Variants in FMNL2 observed in about 807,000 individuals in gnomAD.
FMNL2 encodes the protein formin-like protein 2.
Under a neutral mutation model 130.2 loss-of-function variants are expected in FMNL2, and 51 were observed. The observed-to-expected ratio is 0.39, with a 90% CI of 0.31 to 0.49. FMNL2 has a LOEUF of 0.49. Ranked by LOEUF, FMNL2 falls within the 20% of genes least tolerant of loss-of-function variation. FMNL2 has a pLI of 0.85. For missense variants in FMNL2, 977 were observed against 1,316.2 expected (o/e 0.74, Z 3.99); for synonymous variants, 465 against 467.1 (o/e 1.00, Z 0.06).
intron 3 of FMNL2, among the ~76,000 whole-genome samples, chr2:152,545,557 C>T (rs141104633): frequency 5.3e-4 from 81 of 152,218 alleles, no homozygotes; most frequent in Middle Eastern, 3.4e-3. Flanking sequence ...TTATTTAATA[C>T]CAGGAAGTGA....
chr2:152,521,063 T>C (rs1693060246), intron 1 of FMNL2, among the ~76,000 whole-genome samples: 1 of 152,222 alleles, frequency 6.6e-6, no homozygotes, highest in African/African-American at 2.4e-5. Context: ...CTCAGTTGTT[T>C]AGCACATGAG....
chr2:152,506,582 A>G (rs1202491573), intron 1 of FMNL2, among the ~76,000 whole-genome samples: 1 of 152,184 alleles, frequency 6.6e-6, no homozygotes, highest in East Asian at 1.9e-4. Flanking sequence ...TGTGGAACCC[A>G]TGGACACGGA....
At chr2:152,599,855 A>G (rs1365084861) in intron 9 of FMNL2, among the ~76,000 whole-genome samples, 1 of 152,232 alleles carries the variant, frequency 6.6e-6, no homozygotes, top group Non-Finnish European at 1.5e-5. Flanking sequence ...CTGGATGAAC[A>G]TATTCACAGT....
At chr2:152,415,385 C>A (rs926513662) in intron 1 of FMNL2, among the ~76,000 whole-genome samples, 1 of 152,206 alleles carries the variant, frequency 6.6e-6, no homozygotes, top group African/African-American at 2.4e-5. Flanking sequence ...TCAGCCTTAT[C>A]TGTACAATAG....
intron 2 of FMNL2, among the ~76,000 whole-genome samples, chr2:152,538,634 A>G (rs1256554823): frequency 1.3e-5 from 2 of 152,176 alleles, no homozygotes; most frequent in African/African-American, 4.8e-5. Context: ...GGGAACCATG[A>G]AAGAAGGAGA....
intron 3 of FMNL2, among the ~76,000 whole-genome samples, chr2:152,544,516 C>A (rs1182291747): frequency 3.3e-5 from 5 of 152,196 alleles, no homozygotes; most frequent in Admixed American, 2.6e-4. Context: ...CAGCAAGATT[C>A]TGTTTTAGAA....
At chr2:152,607,882 A>ATT (rs34946629) in intron 10 of FMNL2, among the ~76,000 whole-genome samples, 1 of 150,406 alleles carries the variant, frequency 6.6e-6, no homozygotes, top group Non-Finnish European at 1.5e-5. Context: ...TGCAGCAGTG[A>ATT]TTTTTTTTTT....
At chr2:152,520,204 A>G (rs1693005523) in intron 1 of FMNL2, among the ~76,000 whole-genome samples, 1 of 152,338 alleles carries the variant, frequency 6.6e-6, no homozygotes, top group Middle Eastern at 3.4e-3. Context: ...AGATGTTTCT[A>G]TATCTAAGAA....
chr2:152,629,136 T>C (rs1449578476), intron 18 of FMNL2, among the ~76,000 whole-genome samples: 3 of 152,032 alleles, frequency 2.0e-5, no homozygotes, highest in Non-Finnish European at 4.4e-5. Context: ...TTACTGATTA[T>C]AGTAGTCAGT....
At chr2:152,530,832 A>C (rs1381822092) in intron 2 of FMNL2, among the ~76,000 whole-genome samples, 1 of 152,232 alleles carries the variant, frequency 6.6e-6, no homozygotes, top group Non-Finnish European at 1.5e-5. Flanking sequence ...GTAGTAAAAC[A>C]ACATTTATTT....
At chr2:152,439,149 C>T (rs751006115) in intron 1 of FMNL2, among the ~76,000 whole-genome samples, 3 of 150,606 alleles carry the variant, frequency 2.0e-5, no homozygotes, top group Non-Finnish European at 4.4e-5. Flanking sequence ...TTTAATGTCC[C>T]TATCTTTTTA....
chr2:152,542,899 C>T (rs2105497047), intron 3 of FMNL2, 80 bp downstream of exon 3: 1 of 1,476,990 alleles, frequency 6.8e-7, no homozygotes, highest in Non-Finnish European at 9.4e-7. Context: ...AGAGACCTTC[C>T]TTCCTCTGCA....
chr2:152,444,840 A>G (rs181545485), intron 1 of FMNL2, among the ~76,000 whole-genome samples: 6 of 152,340 alleles, frequency 3.9e-5, no homozygotes, highest in Admixed American at 1.3e-4. Context: ...GTTACAAATG[A>G]GGTCATATGA....
intron 20 of FMNL2, among the ~76,000 whole-genome samples, chr2:152,631,474 A>T (rs187525181): frequency 6.6e-6 from 1 of 152,058 alleles, no homozygotes; most frequent in African/African-American, 2.4e-5. Context: ...GCGGCAGTTA[A>T]CCTGATAACC....
chr2:152,461,550 A>G (rs550356093), intron 1 of FMNL2, among the ~76,000 whole-genome samples: 5 of 152,162 alleles, frequency 3.3e-5, no homozygotes, highest in Non-Finnish European at 7.3e-5. Context: ...ACTGAGTCAA[A>G]CATGTTTTAA....
chr2:152,571,371 T>C (rs13006671), intron 6 of FMNL2, among the ~76,000 whole-genome samples: 115,872 of 152,030 alleles, frequency 0.76, 44,545 homozygotes, highest in African/African-American at 0.84. Flanking sequence ...AGCTCATGTG[T>C]GCCAATTATC....
chr2:152,357,095 A>C (rs6757884), intron 1 of FMNL2, among the ~76,000 whole-genome samples: 56,213 of 75,198 alleles, frequency 0.75, 20,002 homozygotes, highest in Middle Eastern at 0.82. Context: ...AATATTACAT[A>C]AGTTTAATGT....
intron 11 of FMNL2, among the ~76,000 whole-genome samples, chr2:152,612,574 T>C (rs749465760): frequency 2.0e-5 from 3 of 152,164 alleles, no homozygotes; most frequent in Non-Finnish European, 2.9e-5. Context: ...TTCCCTTTTG[T>C]ATAGGAATGG....
chr2:152,417,911 G>C (rs1389544249), intron 1 of FMNL2, among the ~76,000 whole-genome samples: 1 of 152,062 alleles, frequency 6.6e-6, no homozygotes, highest in African/African-American at 2.4e-5. Flanking sequence ...TCGGCTCACT[G>C]ATCTCGCTGA....
Sources: allele counts gnomAD v4.1 joint callset (sites outside exome capture counted in the v4.1 genomes callset), GRCh38; gene constraint gnomAD v4.1.1; transcripts MANE v1.5; gene names NCBI Gene and HGNC (gene_info 2026-07-23, HGNC 2026-07-21).